The following ERBB4 variants were observed in gnomAD, a reference collection of about 807,000 sequenced individuals.
ERBB4 encodes erb-b2 receptor tyrosine kinase 4, also known as receptor tyrosine-protein kinase erbB-4.
A neutral mutation model predicts 158.0 loss-of-function variants in ERBB4; 42 were observed. The ratio of observed to expected loss-of-function variants is 0.27; its 90% CI spans 0.21 to 0.34. The LOEUF is 0.34. Among genes scored for constraint, ERBB4 ranks in the 10% least tolerant of loss-of-function variants. ERBB4 has a pLI of 1.00. For missense variants in ERBB4, 1,333 were observed against 1,624.1 expected (o/e 0.82, Z 3.08); for synonymous variants, 583 against 558.7 (o/e 1.04, Z -0.61).
chr2:211,589,288 G>A (rs2068389339), intron 19 of ERBB4, among the ~76,000 whole-genome samples: 2 of 151,974 alleles, frequency 1.3e-5, no homozygotes, highest in South Asian at 2.1e-4. Flanking sequence ...TCTTTCCTTA[G>A]GTGTATTTTT....
intron 1 of ERBB4, among the ~76,000 whole-genome samples, chr2:212,396,860 A>G (rs1164815645): frequency 6.6e-6 from 1 of 152,158 alleles, no homozygotes; most frequent in Non-Finnish European, 1.5e-5. Flanking sequence ...AATTTCTTCA[A>G]AGTTTTCATC....
intron 4 of ERBB4, among the ~76,000 whole-genome samples, chr2:211,784,012 T>C (rs901528543): frequency 6.6e-6 from 1 of 152,208 alleles, no homozygotes; most frequent in African/African-American, 2.4e-5. Flanking sequence ...ACTTTTTCAT[T>C]GGTAGGCTAT....
At chr2:211,797,105 C>T (rs1218966552) in intron 3 of ERBB4, among the ~76,000 whole-genome samples, 1 of 151,796 alleles carries the variant, frequency 6.6e-6, no homozygotes, top group African/African-American at 2.4e-5. Context: ...TAAAATAGAA[C>T]ACTCTTTTAC....
chr2:211,717,477 G>A (rs545758146), intron 7 of ERBB4, among the ~76,000 whole-genome samples: 2 of 152,148 alleles, frequency 1.3e-5, no homozygotes, highest in Non-Finnish European at 2.9e-5. Context: ...TACTTTAATG[G>A]ATATGAACGT....
chr2:212,311,476 G>GAAAAGA (rs2087042558), intron 1 of ERBB4, among the ~76,000 whole-genome samples: 1 of 150,722 alleles, frequency 6.6e-6, no homozygotes, highest in African/African-American at 2.4e-5. Context: ...ACAGGCTGTT[G>GAAAAGA]ACTGCCCATT....
rs1189533009 is a variant in ERBB4, at chr2:211,383,595, C to T, written c.*20G>A. 1 of 1,609,066 alleles carries T rather than the reference C, an allele frequency of 6.2e-7. No individual in the cohort carries two copies. The highest frequency in any genetic ancestry group is 8.5e-7 in the Non-Finnish European group (1 of 1,177,194). ...AATTGGAGCAGGTGTGTCTCTCCAC[C>T]TAAAAAACCACAACTGAGCTTACAC... On this transcript the variant is annotated 3_prime_UTR_variant, in exon 28 of 28. Coordinates refer to ENST00000342788, the MANE Select transcript of ERBB4 (RefSeq NM_005235.3).
chr2:211,565,612 T>C (rs540449980), intron 19 of ERBB4, among the ~76,000 whole-genome samples: 3 of 152,254 alleles, frequency 2.0e-5, no homozygotes, highest in African/African-American at 7.2e-5. Flanking sequence ...GAGGACATTA[T>C]CCCCTTTAAC....
intron 3 of ERBB4, among the ~76,000 whole-genome samples, chr2:211,928,639 T>G (rs1276518448): frequency 6.6e-6 from 1 of 152,304 alleles, no homozygotes; most frequent in East Asian, 1.9e-4. Flanking sequence ...TTATGAATAC[T>G]AAGCTTCCCA....
intron 20 of ERBB4, among the ~76,000 whole-genome samples, chr2:211,546,771 A>G (rs2066951820): frequency 6.6e-6 from 1 of 152,148 alleles, no homozygotes; most frequent in Admixed American, 6.6e-5. Context: ...CCTTTCAAGG[A>G]AGACTGACAA....
intron 1 of ERBB4, among the ~76,000 whole-genome samples, chr2:212,446,013 T>G (rs563057019): frequency 1.3e-5 from 2 of 152,242 alleles, no homozygotes; most frequent in African/African-American, 2.4e-5. Context: ...ATTTATTGAC[T>G]TCGTATCAGC....
intron 3 of ERBB4, among the ~76,000 whole-genome samples, chr2:211,844,765 A>G (rs1209282835): frequency 1.3e-5 from 2 of 152,216 alleles, no homozygotes; most frequent in African/African-American, 2.4e-5. Flanking sequence ...TCAATATTCC[A>G]GAGTGACACT....
At chr2:211,495,521 G>T (rs13028321) in intron 20 of ERBB4, among the ~76,000 whole-genome samples, 51,684 of 151,806 alleles carry the variant, frequency 0.34, 9,440 homozygotes, top group African/African-American at 0.47. Flanking sequence ...AGGTTGAATT[G>T]GCAATTCACC....
intron 2 of ERBB4, among the ~76,000 whole-genome samples, chr2:212,054,364 G>T (rs2077489982): frequency 6.6e-6 from 1 of 152,122 alleles, no homozygotes; most frequent in African/African-American, 2.4e-5. Context: ...AGGATAAAAA[G>T]AAGAGGTCTG....
At chr2:212,053,802 C>T (rs574381511) in intron 2 of ERBB4, among the ~76,000 whole-genome samples, 28 of 152,264 alleles carry the variant, frequency 1.8e-4, no homozygotes, top group Admixed American at 3.3e-4. Flanking sequence ...CTAAATCTTA[C>T]GCATATTCAG....
intron 2 of ERBB4, among the ~76,000 whole-genome samples, chr2:212,090,091 G>T (rs542250045): frequency 6.6e-6 from 1 of 152,194 alleles, no homozygotes; most frequent in Admixed American, 6.6e-5. Context: ...TCAGAAACCT[G>T]CATGGAGATA....
chr2:212,233,533 A>C (rs770840617), intron 1 of ERBB4, among the ~76,000 whole-genome samples: 1 of 152,152 alleles, frequency 6.6e-6, no homozygotes, highest in Non-Finnish European at 1.5e-5. Flanking sequence ...TAAGAAACAT[A>C]AGGATCTGAG....
intron 20 of ERBB4, among the ~76,000 whole-genome samples, chr2:211,544,931 C>T (rs750930144): frequency 6.6e-6 from 1 of 152,026 alleles, no homozygotes; most frequent in Non-Finnish European, 1.5e-5. Context: ...TATAAGACAA[C>T]CTGTTCCACA....
chr2:211,647,968 C>G (rs1266805954), intron 16 of ERBB4, among the ~76,000 whole-genome samples: 1 of 151,710 alleles, frequency 6.6e-6, no homozygotes, highest in African/African-American at 2.4e-5. Context: ...TCTGCTCATA[C>G]AAATTATGGA....
intron 2 of ERBB4, among the ~76,000 whole-genome samples, chr2:212,009,803 C>T (rs1310003518): frequency 2.0e-5 from 3 of 152,136 alleles, no homozygotes; most frequent in African/African-American, 4.8e-5. Flanking sequence ...ACCCCCATCT[C>T]TTTGACAACC....
Sources: gnomAD v4.1 joint callset for allele counts (sites outside exome capture counted in the v4.1 genomes callset) on GRCh38, gnomAD v4.1.1 for gene constraint, MANE v1.5 for transcripts, NCBI Gene and HGNC (gene_info 2026-07-23, HGNC 2026-07-21) for gene names.